The following ITSN1 variants were observed in gnomAD, a reference collection of about 807,000 sequenced individuals.
ITSN1 encodes intersectin 1.
A neutral mutation model predicts 239.8 loss-of-function variants in ITSN1; 58 were observed. The ratio of observed to expected loss-of-function variants is 0.24; its 90% confidence interval spans 0.20 to 0.30. The LOEUF (loss-of-function observed/expected upper bound fraction) is 0.30. ITSN1 is among the 10% of genes least tolerant of loss of function. ITSN1 has a pLI of 1.00. For missense variants in ITSN1, 1,558 were observed against 2,103.3 expected (o/e 0.74, Z 5.07); for synonymous variants, 780 against 770.8 (o/e 1.01, Z -0.20).
intron 29 of ITSN1, among the ~76,000 whole-genome samples, chr21:33,856,482 G>A (rs968448249): frequency 1.1e-4 from 16 of 152,254 alleles, no homozygotes; most frequent in Middle Eastern, 6.8e-3. Context: ...ATCATATAGG[G>A]TCAGGACCCA....
chr21:33,764,643 T>C (rs2068594540), intron 9 of ITSN1, among the ~76,000 whole-genome samples: 1 of 152,208 alleles, frequency 6.6e-6, no homozygotes, highest in Non-Finnish European at 1.5e-5. Flanking sequence ...GTGTGCATTC[T>C]ACTTTATGGA....
At chr21:33,673,782 A>G (rs2090440549) in intron 1 of ITSN1, among the ~76,000 whole-genome samples, 1 of 152,196 alleles carries the variant, frequency 6.6e-6, no homozygotes, top group South Asian at 2.1e-4. Context: ...AATTTATTGA[A>G]CAAATGAATG....
At chr21:33,718,894 G>A (rs1376725872) in intron 2 of ITSN1, 38 bp downstream of exon 2, 2 of 1,559,182 alleles carry the variant, frequency 1.3e-6, no homozygotes, top group South Asian at 2.3e-5. Flanking sequence ...ATGTACTTTG[G>A]GACCAGATTT....
At position 33,778,813 on chromosome 21, in the gene ITSN1, C is replaced by T. The variant is rs1050361066; in HGVS notation, c.1597-2648C>T. Among the ~76,000 whole-genome samples the T allele has an allele frequency of 1.2e-4, 17 of 140,806 alleles. 1 individual carries two copies. The highest frequency in any genetic ancestry group is 1.9e-4 in the East Asian group (1 of 5,138). The allele number at this position is 140,806 out of a possible 152,430, so 92.4% of individuals were successfully genotyped here. A position where few individuals can be genotyped will look rare whatever the true frequency, so the allele number is the denominator to read the frequency against. ...CGGGATGGTCTCGATCTCCTGACCTCGTGATCCGCCCGCCTCGGCCTCCCA... is the reference window on the plus strand; with the variant it reads ...CGGGATGGTCTCGATCTCCTGACCTTGTGATCCGCCCGCCTCGGCCTCCCA... On this transcript the variant is annotated intron_variant, in intron 14 of 39. Coordinates refer to ENST00000381318, the MANE Select transcript of ITSN1 (RefSeq NM_003024.3).
chr21:33,855,213 T>A (rs1212938566), intron 29 of ITSN1, among the ~76,000 whole-genome samples: 2 of 152,166 alleles, frequency 1.3e-5, no homozygotes, highest in Non-Finnish European at 2.9e-5. Flanking sequence ...TGAACATTAG[T>A]GCGCCAAAAA....
intron 14 of ITSN1, 77 bp downstream of exon 14, chr21:33,775,185 A>G: frequency 6.8e-7 from 1 of 1,472,006 alleles, no homozygotes; most frequent in Non-Finnish European, 9.3e-7. Context: ...TTACTTACTT[A>G]TTCAGTAAAC....
At chr21:33,705,717 T>A (rs2146886939) in intron 1 of ITSN1, among the ~76,000 whole-genome samples, 1 of 152,104 alleles carries the variant, frequency 6.6e-6, no homozygotes, top group Middle Eastern at 3.4e-3. Context: ...TTCAATTCTC[T>A]TTTTAACATT....
intron 5 of ITSN1, among the ~76,000 whole-genome samples, chr21:33,737,851 G>T (rs1464222338): frequency 6.6e-6 from 1 of 152,132 alleles, no homozygotes; most frequent in Admixed American, 6.6e-5. Context: ...TGGCATTACA[G>T]GATGAGCCAC....
intron 1 of ITSN1, among the ~76,000 whole-genome samples, chr21:33,679,742 C>T (rs375611223): frequency 1.9e-4 from 21 of 112,856 alleles, no homozygotes; most frequent in Middle Eastern, 0.013. Flanking sequence ...CTCGCTCTGT[C>T]ACACAGGCTG....
rs2071848735 is a variant in ITSN1 at position 33,799,910 on chromosome 21, A to G, written c.2285A>G (p.Gln762Arg). 6.2e-7 allele frequency: 1 copy of G among 1,613,904 alleles called. No individual in the cohort carries two copies. The highest frequency in any genetic ancestry group is 8.5e-7 in the Non-Finnish European group (1 of 1,179,902). The change falls in exon 19 of 40, where the codon CAG becomes CGG. Residue 762 changes from glutamine to arginine, a missense_variant. Gln to Arg is a conservative substitution (Grantham distance 43, BLOSUM62 1). Coordinates refer to ENST00000381318, the MANE Select transcript of ITSN1 (RefSeq NM_003024.3). ...AGAAGCCATGATGAAATCACTATCC[A>G]GCCAGGAGACATAGTCATGGTAAGA... is the stretch of plus-strand genomic sequence containing the variant. ...ESRSHDEITI[Q>R]PGDIVMVKGE... is the part of the protein sequence containing the mutation.
intron 5 of ITSN1, among the ~76,000 whole-genome samples, chr21:33,737,896 T>C (rs1325209213): frequency 6.6e-6 from 1 of 152,058 alleles, no homozygotes; most frequent in South Asian, 2.1e-4. Context: ...ATATTGAAAA[T>C]TATTGGTTAG....
intron 33 of ITSN1, among the ~76,000 whole-genome samples, chr21:33,871,042 A>G (rs1020631797): frequency 6.6e-6 from 1 of 152,056 alleles, no homozygotes; most frequent in Admixed American, 6.5e-5. Flanking sequence ...GAGGCAGGAG[A>G]ATATCTTGAA....
At chr21:33,836,870 C>T (rs2074631254) in intron 29 of ITSN1, 13 of 676,088 alleles carry the variant, frequency 1.9e-5, no homozygotes, top group South Asian at 4.2e-5. Flanking sequence ...CTCCTTTTTC[C>T]TTTTTTTTTT....
intron 29 of ITSN1, 54 bp downstream of exon 29, chr21:33,836,686 C>T (rs2074621660): frequency 2.2e-6 from 3 of 1,378,828 alleles, no homozygotes; most frequent in Non-Finnish European, 3.1e-6. Context: ...TCCCGTAAAA[C>T]ATGCAGCATT....
intron 4 of ITSN1, among the ~76,000 whole-genome samples, chr21:33,730,896 T>C (rs1478753843): frequency 6.7e-6 from 1 of 148,748 alleles, no homozygotes; most frequent in African/African-American, 2.5e-5. Flanking sequence ...GGGTTTCACC[T>C]TGTTGGTCAG....
At chr21:33,746,929 G>A (rs138082101) in intron 5 of ITSN1, among the ~76,000 whole-genome samples, 2 of 152,188 alleles carry the variant, frequency 1.3e-5, no homozygotes, top group Non-Finnish European at 2.9e-5. Context: ...TGAGGTGGGC[G>A]GATCACCCGA....
At position 33,774,812 on chromosome 21, in the gene ITSN1, AG is replaced by A. The variant is rs1295592880; in HGVS notation, c.1390del (p.Glu464AsnfsTer5). ...AAGAACTACTAAATCAAAGAAACAA[AG>A]AACAAGAGGACATAGTTGTACTGAA... ...RQELLNQRNK[E>X]QEDIVVLKAK... On this transcript the variant is annotated frameshift_variant, in exon 13 of 40. Transcript: ENST00000381318. LOFTEE classifies it high-confidence loss of function. 1 of 1,614,110 alleles carries A rather than the reference AG, an allele frequency of 6.2e-7. No homozygotes were observed. Among genetic ancestry groups the A allele is most frequent in the Non-Finnish European group, 8.5e-7 (1 of 1,179,954 alleles).
intron 37 of ITSN1, 76 bp from the exon 38 acceptor site, chr21:33,885,363 C>A: frequency 1.5e-6 from 2 of 1,308,016 alleles, no homozygotes; most frequent in Non-Finnish European, 2.2e-6. Flanking sequence ...ACATGAAATG[C>A]ATTGTGAGGC....
intron 29 of ITSN1, among the ~76,000 whole-genome samples, chr21:33,840,713 G>C (rs2074792775): frequency 6.6e-6 from 1 of 152,180 alleles, no homozygotes; most frequent in Non-Finnish European, 1.5e-5. Flanking sequence ...GGCCAGGCTG[G>C]TCTTGAACTC....
Sources: gnomAD v4.1 joint callset for allele counts (sites outside exome capture counted in the v4.1 genomes callset) on GRCh38, gnomAD v4.1.1 for gene constraint, MANE v1.5 for transcripts, NCBI Gene and HGNC (gene_info 2026-07-23, HGNC 2026-07-21) for gene names.